The following OR5AS1 variants were observed in gnomAD, a reference collection of about 807,000 sequenced individuals.
OR5AS1 encodes the protein olfactory receptor family 5 subfamily AS member 1.
For synonymous variants in OR5AS1, 196 were observed against 141.7 expected, an observed-to-expected ratio of 1.38 and a Z score of -2.72; for missense variants, 492 against 378.2, an observed-to-expected ratio of 1.30 and a Z score of -2.50.
At position 56,027,663 on chromosome 11, in the gene OR5AS1, C is replaced by A. The variant is rs550308523; in HGVS notation, c.-78C>A. ...AAAACCTAGAGAAAAATGTTGATAG[C>A]CCATTGTGCAAAATAAGTGATAAAA... On this transcript the variant is annotated 5_prime_UTR_variant, in exon 1 of 2. Transcript: ENST00000641320. 24 of 152,112 alleles carry A rather than the reference C, an allele frequency of 1.6e-4. No homozygotes were observed. The highest frequency in any genetic ancestry group is 5.8e-4 in the African/African-American group (24 of 41,442). The allele number at this position is 152,112 out of a possible 1,614,324, so 9.4% of individuals were successfully genotyped here. A position where few individuals can be genotyped will look rare whatever the true frequency, so the allele number is the denominator to read the frequency against.
chr11:56,028,427 C>T (rs1186816974), intron 1 of OR5AS1, among the ~76,000 whole-genome samples: 5 of 152,008 alleles, frequency 3.3e-5, no homozygotes, highest in Admixed American at 3.3e-4. Flanking sequence ...CAGCACAATG[C>T]CATTTGTAAA....
chr11:56,028,017 T>C (rs558381196), intron 1 of OR5AS1, among the ~76,000 whole-genome samples: 2 of 152,064 alleles, frequency 1.3e-5, no homozygotes, highest in Non-Finnish European at 2.9e-5. Context: ...AACAATGGTG[T>C]AATAATTTTC....
chr11:56,031,280 A>G lies in OR5AS1; in HGVS notation c.862A>G (p.Ile288Val), dbSNP rs1565026601. ...YTVVFPMFNP[I>V]IYSFRNKDVK... ...TGTTGTATTTCCCATGTTTAATCCAATAATTTATAGTTTCAGAAACAAGGA... is the reference window on the plus strand; with the variant it reads ...TGTTGTATTTCCCATGTTTAATCCAGTAATTTATAGTTTCAGAAACAAGGA... The change falls in exon 2 of 2, where the codon ATA (isoleucine) becomes GTA (valine). Residue 288 changes from isoleucine to valine, a missense_variant. Ile to Val is a conservative substitution (Grantham distance 29). Coordinates refer to ENST00000641320, the MANE Select transcript of OR5AS1 (RefSeq NM_001001921.2). 1 of 1,612,852 alleles carries G rather than the reference A, an allele frequency of 6.2e-7. No homozygotes were observed. The highest frequency in any genetic ancestry group is 1.3e-5 in the African/African-American group (1 of 74,928).
Position 56,030,937 on chromosome 11 carries a change from C to T in OR5AS1, c.519C>T (p.Ile173=), listed in dbSNP as rs201692803. 5.0e-6 allele frequency: 8 copies of T among 1,613,948 alleles called. No homozygotes were observed. The highest frequency in any genetic ancestry group is 4.0e-5 in the African/African-American group (3 of 74,856). The change falls in exon 2 of 2, where the codon ATC becomes ATT. Residue 173 remains isoleucine, a synonymous_variant. Transcript: ENST00000641320. ...TFRLSFCGSN[I]VNHFFCDIPP... ...GGCTGTCATTTTGTGGCTCCAATATCGTCAATCATTTTTTCTGTGATATCC... is the reference window on the plus strand; with the variant it reads ...GGCTGTCATTTTGTGGCTCCAATATTGTCAATCATTTTTTCTGTGATATCC...
Position 56,031,696 on chromosome 11 carries a change from A to T in OR5AS1, c.*303A>T. 1 of 206,860 alleles carries T rather than the reference A, an allele frequency of 4.8e-6. No individual in the cohort carries two copies. The highest frequency in any genetic ancestry group is 1.2e-4 in the East Asian group (1 of 8,500). 12.8% of individuals were successfully genotyped at this position (206,860 alleles called of 1,614,324 possible). On this transcript the variant is annotated 3_prime_UTR_variant, in exon 2 of 2. Coordinates refer to ENST00000641320, the MANE Select transcript of OR5AS1 (RefSeq NM_001001921.2). ...TTTCAGTCAATCAATCGGTATTAGAAGCTACTTGGCAGCAGAGCATGTGTA... is the reference window on the plus strand; with the variant it reads ...TTTCAGTCAATCAATCGGTATTAGATGCTACTTGGCAGCAGAGCATGTGTA...
In OR5AS1 at chr11:56,030,603, T is replaced by A. The variant is rs941148452; in HGVS notation, c.185T>A (p.Phe62Tyr). 6 of 1,547,976 alleles carry A rather than the reference T, an allele frequency of 3.9e-6. No homozygotes were observed. The highest frequency in any genetic ancestry group is 5.2e-6 in the Non-Finnish European group (6 of 1,150,976). The change falls in exon 2 of 2, where the codon TTT becomes TAT. Residue 62 changes from phenylalanine to tyrosine, a missense_variant. Phe to Tyr is a conservative substitution (Grantham distance 22). Transcript: ENST00000641320. ...AGCCTTCAAATTCCCATGTATTATT[T>A]TCTTAGCAACTTATCTTTCTTAGAC... ...NSSLQIPMYY[F>Y]LSNLSFLDIS...
At position 56,031,850 on chromosome 11, in the gene OR5AS1, A is replaced by G. The variant is rs1853354809; in HGVS notation, c.*457A>G. The G allele has an allele frequency of 1.3e-5, 2 of 153,132 alleles. No homozygotes were observed. The highest frequency in any genetic ancestry group is 6.5e-5 in the Admixed American group (1 of 15,436). 9.5% of individuals were successfully genotyped at this position (153,132 alleles called of 1,614,324 possible). A position where few individuals can be genotyped will look rare whatever the true frequency, so the allele number is the denominator to read the frequency against. The stretch of plus-strand genomic sequence containing the variant: ...ACTAAGCATCCTACTGCTCAAGGTC[A>G]TCGCCAAGGTCTGATTTCAAAAATT... On this transcript the variant is annotated 3_prime_UTR_variant, in exon 2 of 2. Coordinates refer to ENST00000641320, the MANE Select transcript of OR5AS1 (RefSeq NM_001001921.2).
Position 56,036,628 on chromosome 11 carries a change from A to G in OR5AS1, c.*5235A>G, listed in dbSNP as rs1853408182. The G allele has an allele frequency of 6.6e-6, 1 of 152,134 alleles. No individual in the cohort carries two copies. The highest frequency in any genetic ancestry group is 2.4e-5 in the African/African-American group (1 of 41,398). 9.4% of individuals were successfully genotyped at this position (152,134 alleles called of 1,614,324 possible). On this transcript the variant is annotated 3_prime_UTR_variant, in exon 2 of 2. Transcript: ENST00000641320. ...AGACCAAAAACAAGTCCCAAAATTG[A>G]GGCAGTAATTAATAGCCTACCAACA... is the stretch of plus-strand genomic sequence containing the variant.
In OR5AS1 at chr11:56,033,598, A is replaced by C. The variant is rs1464932301; in HGVS notation, c.*2205A>C. The stretch of plus-strand genomic sequence containing the variant: ...TAGATTCCTCCTCTCTGGGCAGGGG[A>C]TCTCTAAAAAAAAGGCAGCAGCCCC... On this transcript the variant is annotated 3_prime_UTR_variant, in exon 2 of 2. Transcript: ENST00000641320. 1.3e-5 allele frequency: 2 copies of C among 152,284 alleles called. No homozygotes were observed. The highest frequency in any genetic ancestry group is 2.9e-5 in the Non-Finnish European group (2 of 68,214). 9.4% of individuals were successfully genotyped at this position (152,284 alleles called of 1,614,324 possible). A position where few individuals can be genotyped will look rare whatever the true frequency, so the allele number is the denominator to read the frequency against.
At chr11:56,029,626 G>C (rs1026677357) in intron 1 of OR5AS1, among the ~76,000 whole-genome samples, 5 of 151,360 alleles carry the variant, frequency 3.3e-5, no homozygotes, top group African/African-American at 1.2e-4. Flanking sequence ...GAATGATCTG[G>C]ATATTTCATG....
chr11:56,030,821 C>T lies in OR5AS1; in HGVS notation c.403C>T (p.Leu135=). The T allele has an allele frequency of 1.2e-6, 2 of 1,614,024 alleles. No individual in the cohort carries two copies. The highest frequency in any genetic ancestry group is 1.1e-5 in the South Asian group (1 of 91,084). The stretch of plus-strand genomic sequence containing the variant: ...CTGCAACCCACTGCTCTATACTACA[C>T]TGATGTCTAGGAGAGTCTGTGTCTG... ...AICNPLLYTT[L]MSRRVCVCFI... The change falls in exon 2 of 2, where the codon CTG becomes TTG. Residue 135 remains leucine, a synonymous_variant. Coordinates refer to ENST00000641320, the MANE Select transcript of OR5AS1 (RefSeq NM_001001921.2).
Position 56,032,584 on chromosome 11 carries a change from CT to C in OR5AS1, c.*1193del, listed in dbSNP as rs1186305410. On this transcript the variant is annotated 3_prime_UTR_variant, in exon 2 of 2. Coordinates refer to ENST00000641320, the MANE Select transcript of OR5AS1 (RefSeq NM_001001921.2). ...TTGGATTAGTTATATTGAATTTAACCTTGGACATGGAGACAATAAGATAGCA... is the reference window on the plus strand; with the variant it reads ...TTGGATTAGTTATATTGAATTTAACCTGGACATGGAGACAATAAGATAGCA... 3 of 151,866 alleles carry C rather than the reference CT, an allele frequency of 2.0e-5. No homozygotes were observed. Among genetic ancestry groups the C allele is most frequent in the African/African-American group, 7.3e-5 (3 of 41,308 alleles). The allele number at this position is 151,866 out of a possible 1,614,324, so 9.4% of individuals were successfully genotyped here.
At position 56,031,486 on chromosome 11, in the gene OR5AS1, AC is replaced by A. The variant is rs1204702240; in HGVS notation, c.*94del. 1.1e-6 allele frequency: 1 copy of A among 948,392 alleles called. No individual in the cohort carries two copies. The highest frequency in any genetic ancestry group is 1.6e-5 in the African/African-American group (1 of 60,926). The allele number at this position is 948,392 out of a possible 1,614,324, so 58.7% of individuals were successfully genotyped here. ...TATCACATTTTCAGAAATAAAGATA[AC>A]TTGTTATACTCAGTGCATTAAAATG... On this transcript the variant is annotated 3_prime_UTR_variant, in exon 2 of 2. Coordinates refer to ENST00000641320, the MANE Select transcript of OR5AS1 (RefSeq NM_001001921.2).
rs753417730 is a variant in OR5AS1 at position 56,030,537 on chromosome 11, T to C, written c.119T>C (p.Val40Ala). 3.2e-6 allele frequency: 5 copies of C among 1,557,258 alleles called. No homozygotes were observed. The change falls in exon 2 of 2, where the codon GTC becomes GCC. Residue 40 changes from valine (V) to alanine (A), a missense_variant. By Grantham distance (64) the Val-to-Ala change is moderately conservative. Coordinates refer to ENST00000641320, the MANE Select transcript of OR5AS1 (RefSeq NM_001001921.2). Reference protein sequence around the residue: ...VFLLVYTLTMVGNILLIILVN... With the variant: ...VFLLVYTLTMAGNILLIILVN... ...CTTCTGGTATATACATTAACTATGG[T>C]CGGAAATATACTCTTAATAATTCTA...
In OR5AS1 at chr11:56,033,861, C is replaced by A. The variant is rs1853377122; in HGVS notation, c.*2468C>A. 6.6e-6 allele frequency: 1 copy of A among 152,274 alleles called. No individual in the cohort carries two copies. The highest frequency in any genetic ancestry group is 2.4e-5 in the African/African-American group (1 of 41,368). 9.4% of individuals were successfully genotyped at this position (152,274 alleles called of 1,614,324 possible). A position where few individuals can be genotyped will look rare whatever the true frequency, so the allele number is the denominator to read the frequency against. ...ACCTTCCAGTAGGGGTTGACAGATA[C>A]CTCATAGGAGAGAGCTCCAGCTGGC... On this transcript the variant is annotated 3_prime_UTR_variant, in exon 2 of 2. Coordinates refer to ENST00000641320, the MANE Select transcript of OR5AS1 (RefSeq NM_001001921.2).
chr11:56,038,181 C>T lies in OR5AS1; in HGVS notation c.*6788C>T, dbSNP rs897459825. 3.3e-5 allele frequency: 5 copies of T among 152,046 alleles called. No homozygotes were observed. Among genetic ancestry groups the T allele is most frequent in the African/African-American group, 9.7e-5 (4 of 41,374 alleles). The allele number at this position is 152,046 out of a possible 1,614,324, so 9.4% of individuals were successfully genotyped here. ...CACGCTGAACCATGCACTTGCCTTG[C>T]TATTGATGGCTTCTGTCTGATCACA... On this transcript the variant is annotated 3_prime_UTR_variant, in exon 2 of 2. Transcript: ENST00000641320.
Position 56,034,160 on chromosome 11 carries a change from C to T in OR5AS1, c.*2767C>T, listed in dbSNP as rs1853380535. ...GTGAGGAAAAACCAATGCAAAAAGG[C>T]TGAAAATTTCTAAAACCAGACATCT... On this transcript the variant is annotated 3_prime_UTR_variant, in exon 2 of 2. Transcript: ENST00000641320. 6.6e-6 allele frequency: 1 copy of T among 152,090 alleles called. No individual in the cohort carries two copies. The highest frequency in any genetic ancestry group is 6.5e-5 in the Admixed American group (1 of 15,274). The allele number at this position is 152,090 out of a possible 1,614,324, so 9.4% of individuals were successfully genotyped here.
rs1375760930 is a variant in OR5AS1, at chr11:56,033,629, G to A, written c.*2236G>A. On this transcript the variant is annotated 3_prime_UTR_variant, in exon 2 of 2. Coordinates refer to ENST00000641320, the MANE Select transcript of OR5AS1 (RefSeq NM_001001921.2). ...AAAAAAAAGGCAGCAGCCCCAGTTA[G>A]GGGCCTAGAGATAAAACCCCCATCC... 3 of 152,304 alleles carry A rather than the reference G, an allele frequency of 2.0e-5. No homozygotes were observed. The highest frequency in any genetic ancestry group is 2.9e-5 in the Non-Finnish European group (2 of 68,188). The allele number at this position is 152,304 out of a possible 1,614,324, so 9.4% of individuals were successfully genotyped here. A position where few individuals can be genotyped will look rare whatever the true frequency, so the allele number is the denominator to read the frequency against.
In OR5AS1 at chr11:56,030,734, T is replaced by C. The variant is rs1305875037; in HGVS notation, c.316T>C (p.Ser106Pro). 8.7e-6 allele frequency: 14 copies of C among 1,612,260 alleles called. No individual in the cohort carries two copies. Among genetic ancestry groups the C allele is most frequent in the Non-Finnish European group, 1.0e-5 (12 of 1,178,812 alleles). The change falls in exon 2 of 2, where the codon TCT becomes CCT. Residue 106 changes from serine (S) to proline (P), a missense_variant. Coordinates refer to ENST00000641320, the MANE Select transcript of OR5AS1 (RefSeq NM_001001921.2). Reference protein sequence around the residue: ...GCALQMFFFASFADAECLILA... With the variant: ...GCALQMFFFAPFADAECLILA... The stretch of plus-strand genomic sequence containing the variant: ...TGCACTACAAATGTTTTTCTTCGCT[T>C]CTTTTGCTGATGCTGAGTGCCTTAT...
Sources: gnomAD v4.1 joint callset for allele counts (sites outside exome capture counted in the v4.1 genomes callset) on GRCh38, gnomAD v4.1.1 for gene constraint, MANE v1.5 for transcripts, NCBI Gene and HGNC (gene_info 2026-07-23, HGNC 2026-07-21) for gene names.